The following TBC1D32 variants were observed in gnomAD, a reference collection of about 807,000 sequenced individuals.
TBC1D32 encodes TBC1 domain family member 32, also known as protein broad-minded.
Under a neutral mutation model 170.3 loss-of-function variants are expected in TBC1D32, and 151 were observed. The observed-to-expected ratio is 0.89, with a 90% CI of 0.78 to 1.01. The LOEUF is 1.01. TBC1D32 is among the 50% of genes least tolerant of loss of function. The pLI, the probability that TBC1D32 is intolerant of heterozygous loss-of-function variation, is 0.00. For missense variants in TBC1D32, 1,464 were observed against 1,457.1 expected (o/e 1.00, Z -0.08); for synonymous variants, 498 against 488.0 (o/e 1.02, Z -0.27).
intron 15 of TBC1D32, among the ~76,000 whole-genome samples, chr6:121,258,160 A>G (rs1433740848): frequency 6.6e-6 from 1 of 152,142 alleles, no homozygotes; most frequent in African/African-American, 2.4e-5. Flanking sequence ...TTATGACATT[A>G]CTATAATTAC....
At chr6:121,185,503 G>T (rs1789079474) in intron 22 of TBC1D32, among the ~76,000 whole-genome samples, 2 of 152,080 alleles carry the variant, frequency 1.3e-5, no homozygotes, top group African/African-American at 4.8e-5. Context: ...TCTGTGAGTT[G>T]AACAATATGG....
At chr6:121,222,329 G>A (rs924853484) in intron 21 of TBC1D32, among the ~76,000 whole-genome samples, 9 of 151,986 alleles carry the variant, frequency 5.9e-5, no homozygotes, top group Admixed American at 2.0e-4. Flanking sequence ...AACTGAACCC[G>A]CAATAATTCT....
intron 31 of TBC1D32, among the ~76,000 whole-genome samples, chr6:121,087,141 T>A (rs1189952692): frequency 6.6e-6 from 1 of 152,082 alleles, no homozygotes; most frequent in Non-Finnish European, 1.5e-5. Context: ...CACATTCTTG[T>A]TGTGTCTAAA....
intron 21 of TBC1D32, among the ~76,000 whole-genome samples, chr6:121,219,872 T>A (rs2128324225): frequency 6.6e-6 from 1 of 152,314 alleles, no homozygotes; most frequent in South Asian, 2.1e-4. Context: ...AAACTTTTCA[T>A]AATTATTCCG....
intron 12 of TBC1D32, among the ~76,000 whole-genome samples, chr6:121,287,964 G>T (rs1377560584): frequency 6.6e-6 from 1 of 152,076 alleles, no homozygotes; most frequent in East Asian, 1.9e-4. Flanking sequence ...TGAGAACAAA[G>T]ACACAACATA....
chr6:121,126,070 A>T (rs370490594), intron 26 of TBC1D32, among the ~76,000 whole-genome samples: 1 of 152,232 alleles, frequency 6.6e-6, no homozygotes, highest in African/African-American at 2.4e-5. Context: ...TAGGTAAAAC[A>T]GTATAAGCAG....
intron 21 of TBC1D32, among the ~76,000 whole-genome samples, chr6:121,208,130 C>T (rs1485072994): frequency 6.6e-6 from 1 of 151,650 alleles, no homozygotes; most frequent in Non-Finnish European, 1.5e-5. Context: ...AAGATATGTC[C>T]AAGGCCTAAT....
intron 12 of TBC1D32, among the ~76,000 whole-genome samples, chr6:121,286,216 T>C (rs887771533): frequency 6.6e-6 from 1 of 151,928 alleles, no homozygotes; most frequent in East Asian, 1.9e-4. Flanking sequence ...TTCGAACCCA[T>C]GGCAAAGAAG....
chr6:121,311,790 C>T (rs183378302), intron 3 of TBC1D32, among the ~76,000 whole-genome samples: 4 of 151,950 alleles, frequency 2.6e-5, no homozygotes, highest in African/African-American at 7.2e-5. Flanking sequence ...AATAGGAATG[C>T]TTTTACAGTT....
In TBC1D32 at chr6:121,279,261, A is replaced by C; in HGVS notation, c.1609-16T>G. 3.8e-6 allele frequency: 6 copies of C among 1,596,198 alleles called. No homozygotes were observed. The highest frequency in any genetic ancestry group is 5.1e-6 in the Non-Finnish European group (6 of 1,175,376). ...TTGGAGATGCCTGTACATTAAAAAG[A>C]AAACAAGACAAATCACATAATTTTA... On this transcript the variant is annotated splice_polypyrimidine_tract_variant and intron_variant, in intron 14 of 31. Transcript: ENST00000398212.
chr6:121,124,687 A>T (rs939280585), intron 26 of TBC1D32, among the ~76,000 whole-genome samples: 1 of 151,942 alleles, frequency 6.6e-6, no homozygotes, highest in African/African-American at 2.4e-5. Context: ...TGATGTTGTT[A>T]TATATCCTAT....
intron 10 of TBC1D32, among the ~76,000 whole-genome samples, chr6:121,298,954 T>G (rs959746003): frequency 1.3e-5 from 2 of 152,170 alleles, no homozygotes; most frequent in African/African-American, 2.4e-5. Context: ...CTTACATTGT[T>G]CTACTAATAG....
At chr6:121,325,844 A>G (rs560306057) in intron 1 of TBC1D32, among the ~76,000 whole-genome samples, 1 of 152,300 alleles carries the variant, frequency 6.6e-6, no homozygotes, top group African/African-American at 2.4e-5. Context: ...GGCAACCTAC[A>G]GAATGGGAGA....
intron 3 of TBC1D32, among the ~76,000 whole-genome samples, chr6:121,315,649 CT>C (rs201676270): frequency 1.3e-5 from 2 of 151,746 alleles, no homozygotes; most frequent in African/African-American, 2.4e-5. Flanking sequence ...AAATTCAGAC[CT>C]TTTTTTTCAC....
At chr6:121,154,919 T>C (rs1784687673) in intron 24 of TBC1D32, among the ~76,000 whole-genome samples, 2 of 152,198 alleles carry the variant, frequency 1.3e-5, no homozygotes, top group South Asian at 4.1e-4. Context: ...ATAGTATAGT[T>C]TGAAGTCAGG....
intron 12 of TBC1D32, among the ~76,000 whole-genome samples, chr6:121,290,415 GCCA>G (rs1804651694): frequency 6.6e-6 from 1 of 151,992 alleles, no homozygotes; most frequent in African/African-American, 2.4e-5. Flanking sequence ...ATCATCACTG[GCCA>G]TCAGAGAAAT....
chr6:121,186,520 G>A (rs2128280567), intron 22 of TBC1D32, among the ~76,000 whole-genome samples: 1 of 152,124 alleles, frequency 6.6e-6, no homozygotes, highest in African/African-American at 2.4e-5. Context: ...TGGGAAGAAG[G>A]GGAAAAGTTA....
rs1475834820 is a variant in TBC1D32, at chr6:121,080,570, A to G, written c.*201T>C. On this transcript the variant is annotated 3_prime_UTR_variant, in exon 32 of 32. Transcript: ENST00000398212. ...AAAGTAAGCTAGATCTGATTCTATA[A>G]TAACCTTACAAAACAACAAATTTAC... The G allele has an allele frequency of 1.6e-6, 1 of 624,906 alleles. No homozygotes were observed. The highest frequency in any genetic ancestry group is 3.7e-5 in the Admixed American group (1 of 27,120). The allele number at this position is 624,906 out of a possible 1,614,324, so 38.7% of individuals were successfully genotyped here.
In TBC1D32 at chr6:121,083,541, T is replaced by C. The variant is rs1427292015; in HGVS notation, c.3655-2651A>G. Among the ~76,000 whole-genome samples the C allele has an allele frequency of 2.0e-5, 3 of 152,216 alleles. No homozygotes were observed. In the East Asian group the frequency reaches 5.8e-4, roughly 29 times the overall value. On this transcript the variant is annotated intron_variant, in intron 31 of 31. Coordinates refer to ENST00000398212, the MANE Select transcript of TBC1D32 (RefSeq NM_152730.6). ...ATGGTATATACGTAGTTTCCCTCTT[T>C]GCTTTGTGTACAGAAGTCCAGTTTC...
Sources: allele counts gnomAD v4.1 joint callset (sites outside exome capture counted in the v4.1 genomes callset), GRCh38; gene constraint gnomAD v4.1.1; transcripts MANE v1.5; gene names NCBI Gene and HGNC (gene_info 2026-07-23, HGNC 2026-07-21).